TANC1: variants seen among roughly 807,000 people sequenced by gnomAD.
TANC1 encodes protein TANC1.
TANC1 carries 77 observed loss-of-function variants against 149.7 expected under a neutral mutation model. That is an observed-to-expected ratio of 0.51 (90% CI 0.43 to 0.62). The LOEUF (loss-of-function observed/expected upper bound fraction) is 0.62, where lower values mean the gene tolerates loss of function less well. Ranked by LOEUF, TANC1 falls within the 20% of genes least tolerant of loss-of-function variation. TANC1 has a pLI of 0.00. For synonymous variants in TANC1, 854 were observed against 925.0 expected (o/e 0.92, Z 1.39); for missense variants, 1,985 against 2,321.8 (o/e 0.85, Z 2.98).
At chr2:159,059,888 TTGTGTGTGTGTGTG>T (rs140659801) in intron 2 of TANC1, among the ~76,000 whole-genome samples, 58 of 114,818 alleles carry the variant, frequency 5.1e-4, no homozygotes, top group South Asian at 1.0e-3. Context: ...GCAGACCTCT[TTGTGTGTGTGTGTG>T]TGTGTGTGTG....
intron 3 of TANC1, among the ~76,000 whole-genome samples, chr2:159,072,939 A>G (rs2149735567): frequency 6.6e-6 from 1 of 152,268 alleles, no homozygotes; most frequent in Admixed American, 6.5e-5. Flanking sequence ...TTTCCCCTAT[A>G]ACAAAACTGG....
At chr2:159,153,213 A>G (rs1006875366) in intron 7 of TANC1, among the ~76,000 whole-genome samples, 4 of 152,252 alleles carry the variant, frequency 2.6e-5, no homozygotes, top group Admixed American at 2.6e-4. Flanking sequence ...GAAGCTATGC[A>G]GGATCCCCAT....
intron 22 of TANC1, among the ~76,000 whole-genome samples, chr2:159,220,253 CT>C (rs1283071233): frequency 1.3e-5 from 2 of 150,996 alleles, no homozygotes; most frequent in East Asian, 3.9e-4. Flanking sequence ...TGGTAAGTGA[CT>C]AATCAAATGA....
At chr2:159,042,505 G>T (rs924997480) in intron 2 of TANC1, among the ~76,000 whole-genome samples, 1 of 152,058 alleles carries the variant, frequency 6.6e-6, no homozygotes, top group Admixed American at 6.6e-5. Flanking sequence ...ATCTGCTTCT[G>T]CTTGTGATGA....
chr2:159,083,243 C>T (rs1468336213), intron 3 of TANC1, among the ~76,000 whole-genome samples: 4 of 152,050 alleles, frequency 2.6e-5, no homozygotes, highest in East Asian at 3.8e-4. Context: ...GCATGAGCCA[C>T]CATACCTGGC....
At chr2:159,123,885 C>A (rs1329862061) in intron 4 of TANC1, among the ~76,000 whole-genome samples, 1 of 152,146 alleles carries the variant, frequency 6.6e-6, no homozygotes, top group Non-Finnish European at 1.5e-5. Context: ...CGCCAGTCTC[C>A]CCTCGTGCCC....
intron 2 of TANC1, chr2:159,004,120 A>G: frequency 6.2e-7 from 1 of 1,611,948 alleles, no homozygotes. Context: ...GCAGAAGCCA[A>G]ACCAATCACA....
chr2:159,063,039 G>A (rs1002912443), intron 2 of TANC1, among the ~76,000 whole-genome samples: 1 of 149,750 alleles, frequency 6.7e-6, no homozygotes, highest in Non-Finnish European at 1.5e-5. Flanking sequence ...CTGGAGTACC[G>A]ATTTGTTAAT....
chr2:158,982,384 A>G (rs2034483136), intron 1 of TANC1, among the ~76,000 whole-genome samples: 1 of 152,220 alleles, frequency 6.6e-6, no homozygotes, highest in Non-Finnish European at 1.5e-5. Context: ...CTTTGAAACC[A>G]GATAGACTTT....
intron 16 of TANC1, 21 bp from the exon 17 acceptor site, chr2:159,194,236 T>C (rs1351475835): frequency 1.9e-6 from 3 of 1,594,940 alleles, no homozygotes; most frequent in East Asian, 2.2e-5. Context: ...GACAATCTTG[T>C]TGGGGGGCCT....
At chr2:159,059,781 A>G (rs2149652225) in intron 2 of TANC1, among the ~76,000 whole-genome samples, 1 of 151,766 alleles carries the variant, frequency 6.6e-6, no homozygotes, top group South Asian at 2.1e-4. Flanking sequence ...GCCTCCTAGG[A>G]TCTCCTAGGA....
Position 159,231,306 on chromosome 2 carries a change from C to G in TANC1, c.*294C>G. The G allele has an allele frequency of 3.6e-6, 1 of 274,040 alleles. No homozygotes were observed. The highest frequency in any genetic ancestry group is 6.9e-6 in the Non-Finnish European group (1 of 145,254). 17.0% of individuals were successfully genotyped at this position (274,040 alleles called of 1,614,324 possible). ...ATTGTTTGGCTTTTGCCACTTTCTTCCTTGCCTTTGCTATATGGTAGAATC... is the reference window on the plus strand; with the variant it reads ...ATTGTTTGGCTTTTGCCACTTTCTTGCTTGCCTTTGCTATATGGTAGAATC... On this transcript the variant is annotated 3_prime_UTR_variant, in exon 27 of 27. Coordinates refer to ENST00000263635, the MANE Select transcript of TANC1 (RefSeq NM_033394.3).
chr2:159,203,458 G>A (rs1426655044), intron 19 of TANC1, among the ~76,000 whole-genome samples: 17 of 152,170 alleles, frequency 1.1e-4, no homozygotes. Flanking sequence ...ACCCACCTCG[G>A]CCTCCCAGAG....
chr2:159,100,651 T>C (rs967588890), intron 4 of TANC1, among the ~76,000 whole-genome samples: 4 of 152,186 alleles, frequency 2.6e-5, no homozygotes, highest in African/African-American at 9.7e-5. Context: ...CTGCCCAAAT[T>C]TGTACAGCAA....
At chr2:158,980,184 A>G (rs1311341401) in intron 1 of TANC1, among the ~76,000 whole-genome samples, 1 of 152,198 alleles carries the variant, frequency 6.6e-6, no homozygotes, top group Non-Finnish European at 1.5e-5. Context: ...GTTTTTAACT[A>G]CAGGACTTTT....
At chr2:159,157,191 G>A (rs549434201) in intron 7 of TANC1, among the ~76,000 whole-genome samples, 18 of 152,268 alleles carry the variant, frequency 1.2e-4, no homozygotes, top group Admixed American at 2.6e-4. Flanking sequence ...GGGTTGGGGC[G>A]GGGGTCCCAC....
chr2:159,115,183 TGTGTGTGTGTGTGTATGTGTGTCC>T (rs1008587940), intron 4 of TANC1, among the ~76,000 whole-genome samples: 11 of 151,432 alleles, frequency 7.3e-5, no homozygotes, highest in African/African-American at 2.7e-4. Context: ...TGTGTGTGTG[TGTGTGTGTGTGTGTATGTGTGTCC>T]GTGTGTGTGT....
rs111572739 is a variant in TANC1 at position 159,026,314 on chromosome 2, G to A, written c.-16+25125G>A. ...CTGTTGCCTAGCATGCCTTCTTGGCGTGGACCAGCTCAGTGTCCTTACTCA... is the reference window on the plus strand; with the variant it reads ...CTGTTGCCTAGCATGCCTTCTTGGCATGGACCAGCTCAGTGTCCTTACTCA... On this transcript the variant is annotated intron_variant, in intron 2 of 26. Coordinates refer to ENST00000263635, the MANE Select transcript of TANC1 (RefSeq NM_033394.3). Among the ~76,000 whole-genome samples, 1,327 of 152,242 alleles carry A rather than the reference G, an allele frequency of 8.7e-3. 12 individuals are homozygous for A. The highest frequency in any genetic ancestry group is 0.02 in the Middle Eastern group (6 of 294).
chr2:159,097,778 C>T lies in TANC1; in HGVS notation c.203C>T (p.Pro68Leu), dbSNP rs372839677. The T allele has an allele frequency of 6.2e-7, 1 of 1,613,930 alleles. No homozygotes were observed. Among genetic ancestry groups the T allele is most frequent in the Non-Finnish European group, 8.5e-7 (1 of 1,180,022 alleles). ...GTCTCGATGTCTCTGCCTTCCTCAC[C>T]TTTGCTGCCTCGACAGTCTCACTTG... ...KGVSMSLPSS[P>L]LLPRQSHLVQ... The change falls in exon 4 of 27, where the codon CCT (proline) becomes CTT (leucine). Residue 68 changes from proline (P) to leucine (L), a missense_variant. Physicochemically the swap from Pro to Leu is moderately conservative, Grantham distance 98 (BLOSUM62 -3). Transcript: ENST00000263635.
Sources: allele counts gnomAD v4.1 joint callset (sites outside exome capture counted in the v4.1 genomes callset), GRCh38; gene constraint gnomAD v4.1.1; transcripts MANE v1.5; gene names NCBI Gene and HGNC (gene_info 2026-07-23, HGNC 2026-07-21).